FOXN3: variants seen among roughly 807,000 people sequenced by gnomAD.
The protein encoded by FOXN3 is forkhead box protein N3.
In FOXN3, 7 loss-of-function variants were observed where a neutral mutation model predicts 38.4. That is an observed-to-expected ratio of 0.18 (90% confidence interval 0.10 to 0.34). FOXN3 has a LOEUF of 0.34. Among genes scored for constraint, FOXN3 ranks in the 10% least tolerant of loss-of-function variants. The probability of loss-of-function intolerance (pLI) is 1.00; values close to 1 mark genes in which losing one functional copy is unlikely to be tolerated. For synonymous variants in FOXN3, 230 were observed against 242.2 expected, an observed-to-expected ratio of 0.95 and a Z score of 0.47; for missense variants, 456 against 613.4, an observed-to-expected ratio of 0.74 and a Z score of 2.71.
chr14:89,432,556 G>A (rs1232753889), intron 1 of FOXN3, among the ~76,000 whole-genome samples: 2 of 152,116 alleles, frequency 1.3e-5, no homozygotes, highest in Non-Finnish European at 2.9e-5. Context: ...TTACAGATGA[G>A]GACACCAAGG....
intron 1 of FOXN3, among the ~76,000 whole-genome samples, chr14:89,533,670 A>T (rs1894624267): frequency 2.1e-5 from 2 of 94,490 alleles, no homozygotes; most frequent in African/African-American, 7.4e-5. Context: ...TCAAAAAAAA[A>T]AAAAAAAAAA....
At chr14:89,312,252 T>C (rs1887572187) in intron 3 of FOXN3, among the ~76,000 whole-genome samples, 1 of 116,336 alleles carries the variant, frequency 8.6e-6, no homozygotes, top group Non-Finnish European at 1.6e-5. Flanking sequence ...ACTACTGTAC[T>C]CCAGCCTGGG....
At chr14:89,266,416 T>C (rs1161350944) in intron 4 of FOXN3, among the ~76,000 whole-genome samples, 3 of 152,102 alleles carry the variant, frequency 2.0e-5, no homozygotes, top group Non-Finnish European at 4.4e-5. Context: ...CTTTAACGGC[T>C]CTATCTCCAA....
chr14:89,423,483 G>A (rs10137442), intron 1 of FOXN3, among the ~76,000 whole-genome samples: 10,416 of 152,104 alleles, frequency 0.068, 371 homozygotes, highest in Middle Eastern at 0.14. Context: ...AAAATCAGGG[G>A]TCATAAATAA....
rs190345952 is a variant in FOXN3, at chr14:89,587,201, C to T, written c.-15+31827G>A. ...CCCGGTCTTTTTCTCTTGGGGTCTT[C>T]GACTGATTAGGTGAGGCCCACCCAC... On this transcript the variant is annotated intron_variant, in intron 1 of 6. Coordinates refer to the FOXN3 transcript ENST00000345097. 2.0e-4 allele frequency among the ~76,000 whole-genome samples: 31 copies of T among 152,328 alleles called. 1 individual carries two copies. The highest frequency in any genetic ancestry group is 1.3e-3 in the Admixed American group (20 of 15,308).
intron 3 of FOXN3, among the ~76,000 whole-genome samples, chr14:89,315,889 G>A (rs1887704086): frequency 6.6e-6 from 1 of 152,118 alleles, no homozygotes. Flanking sequence ...CCATGCAGAT[G>A]GTGAGTGGAG....
chr14:89,166,949 G>A (rs1380036311), intron 5 of FOXN3, among the ~76,000 whole-genome samples: 4 of 152,236 alleles, frequency 2.6e-5, no homozygotes, highest in Non-Finnish European at 5.9e-5. Flanking sequence ...ATGTTGGAAG[G>A]TGAATTTCTA....
In FOXN3 at chr14:89,502,205, A is replaced by C. The variant is rs1194390320; in HGVS notation, c.-14-89715T>G. Among the ~76,000 whole-genome samples, 3 of 152,248 alleles carry C rather than the reference A, an allele frequency of 2.0e-5. No homozygotes were observed. In the East Asian group the frequency reaches 5.8e-4, roughly 29 times the overall value. ...ATAAAAACACTAAATGTATGTGTTTAATGGATATAAAGACATACAGTCAAA... is the reference window on the plus strand; with the variant it reads ...ATAAAAACACTAAATGTATGTGTTTCATGGATATAAAGACATACAGTCAAA... On this transcript the variant is annotated intron_variant, in intron 1 of 6. Coordinates refer to the FOXN3 transcript ENST00000345097.
intron 3 of FOXN3, among the ~76,000 whole-genome samples, chr14:89,326,942 G>A (rs994488013): frequency 1.3e-5 from 2 of 152,188 alleles, no homozygotes; most frequent in South Asian, 2.1e-4. Context: ...CATCTATCCC[G>A]CCAACATTTC....
At chr14:89,260,966 C>A (rs1413639411) in intron 4 of FOXN3, among the ~76,000 whole-genome samples, 2 of 152,166 alleles carry the variant, frequency 1.3e-5, no homozygotes, top group Non-Finnish European at 1.5e-5. Context: ...CCCCAATTTA[C>A]ATGTTAGCAT....
intron 1 of FOXN3, among the ~76,000 whole-genome samples, chr14:89,586,633 T>G (rs918183677): frequency 6.6e-6 from 1 of 152,224 alleles, no homozygotes; most frequent in Non-Finnish European, 1.5e-5. Context: ...GCCTCTATCT[T>G]AGAAAATATT....
chr14:89,279,015 G>A (rs1001230753), intron 4 of FOXN3, among the ~76,000 whole-genome samples: 1 of 151,682 alleles, frequency 6.6e-6, no homozygotes, highest in Admixed American at 6.6e-5. Flanking sequence ...ATATTAATTA[G>A]GAAGAATACC....
In FOXN3 at chr14:89,291,458, A is replaced by G. The variant is rs1596159078; in HGVS notation, c.681-10444T>C. 4 of 608,858 alleles carry G rather than the reference A, an allele frequency of 6.6e-6. No homozygotes were observed. In the East Asian group the frequency reaches 1.3e-4, roughly 19 times the overall value. The allele number at this position is 608,858 out of a possible 1,614,324, so 37.7% of individuals were successfully genotyped here. A position where few individuals can be genotyped will look rare whatever the true frequency, so the allele number is the denominator to read the frequency against. The stretch of plus-strand genomic sequence containing the variant: ...GTTCATCAGCTTATCAAAGGCTTCC[A>G]CGGAGGGTGCCACACCTCCACAGAC... On this transcript the variant is annotated intron_variant, in intron 3 of 5. Transcript: ENST00000557258.
intron 1 of FOXN3, among the ~76,000 whole-genome samples, chr14:89,447,121 G>A (rs1399677086): frequency 5.9e-5 from 9 of 151,846 alleles, no homozygotes; most frequent in Non-Finnish European, 8.8e-5. Context: ...GCTTGATCCC[G>A]GGAGGCAGAG....
intron 3 of FOXN3, among the ~76,000 whole-genome samples, chr14:89,318,928 G>C (rs527979486): frequency 6.6e-6 from 1 of 152,362 alleles, no homozygotes; most frequent in Admixed American, 6.5e-5. Flanking sequence ...AATGGAGAAC[G>C]GAGGCAGAAA....
chr14:89,363,574 C>T (rs1192255538), intron 2 of FOXN3, among the ~76,000 whole-genome samples: 1 of 152,158 alleles, frequency 6.6e-6, no homozygotes, highest in Non-Finnish European at 1.5e-5. Context: ...GCAAAAATAC[C>T]ATCTTCTCCA....
intron 5 of FOXN3, 124 bp downstream of exon 5, chr14:89,180,577 A>T: frequency 1.7e-6 from 1 of 597,172 alleles, no homozygotes; most frequent in Non-Finnish European, 2.7e-6. Flanking sequence ...TGAGCACGCA[A>T]ACCAGGTTTA....
At chr14:89,569,561 T>C (rs1205293942) in intron 1 of FOXN3, among the ~76,000 whole-genome samples, 2 of 152,234 alleles carry the variant, frequency 1.3e-5, no homozygotes, top group South Asian at 2.1e-4. Context: ...ACCACTGACA[T>C]AGATAATCAA....
At chr14:89,546,912 T>C (rs1278554983) in intron 1 of FOXN3, among the ~76,000 whole-genome samples, 2 of 151,716 alleles carry the variant, frequency 1.3e-5, no homozygotes, top group African/African-American at 4.8e-5. Flanking sequence ...GCCTCCCAGA[T>C]AGCTGGAATT....
Sources: gnomAD v4.1 joint callset for allele counts (sites outside exome capture counted in the v4.1 genomes callset) on GRCh38, gnomAD v4.1.1 for gene constraint, MANE v1.5 for transcripts, NCBI Gene and HGNC (gene_info 2026-07-23, HGNC 2026-07-21) for gene names.